The following MCC variants were observed in gnomAD, a reference collection of about 807,000 sequenced individuals.
MCC encodes colorectal mutant cancer protein.
Under a neutral mutation model 116.2 loss-of-function variants are expected in MCC, and 90 were observed. That is an observed-to-expected ratio of 0.77 (90% CI 0.65 to 0.92). MCC has a LOEUF of 0.92. Among genes scored for constraint, MCC ranks in the 40% least tolerant of loss-of-function variants. MCC has a pLI of 0.00. For missense variants in MCC, 1,516 were observed against 1,312.2 expected, an observed-to-expected ratio of 1.16 and a Z score of -2.40; for synonymous variants, 578 against 510.5, an observed-to-expected ratio of 1.13 and a Z score of -1.78.
intron 1 of MCC, among the ~76,000 whole-genome samples, chr5:113,464,134 A>G (rs1378465051): frequency 6.6e-6 from 1 of 152,138 alleles, no homozygotes; most frequent in African/African-American, 2.4e-5. Flanking sequence ...ACAATAGGGC[A>G]CCATGAAGTG....
chr5:113,384,210 C>T (rs759014731), intron 2 of MCC, among the ~76,000 whole-genome samples: 8 of 152,206 alleles, frequency 5.3e-5, no homozygotes, highest in Non-Finnish European at 1.0e-4. Flanking sequence ...TTCTTTCCAA[C>T]TGCTTATCTT....
intron 1 of MCC, among the ~76,000 whole-genome samples, chr5:113,455,296 T>C (rs539353377): frequency 6.6e-6 from 1 of 152,290 alleles, no homozygotes; most frequent in South Asian, 2.1e-4. Context: ...TGCTAGCCCA[T>C]ATTTTCTCAT....
chr5:113,077,125 C>T (rs1038639486), intron 11 of MCC, among the ~76,000 whole-genome samples: 2 of 152,162 alleles, frequency 1.3e-5, no homozygotes, highest in Admixed American at 6.5e-5. Flanking sequence ...AATATATATG[C>T]ACCCAATACA....
At chr5:113,252,303 G>A (rs1375566844) in intron 3 of MCC, among the ~76,000 whole-genome samples, 1 of 152,198 alleles carries the variant, frequency 6.6e-6, no homozygotes, top group Non-Finnish European at 1.5e-5. Context: ...GTGGGCGAGT[G>A]AGAGAAGCTT....
At chr5:113,361,232 A>G (rs1044836506) in intron 2 of MCC, among the ~76,000 whole-genome samples, 1 of 144,916 alleles carries the variant, frequency 6.9e-6, no homozygotes, top group African/African-American at 2.6e-5. Context: ...CATTCTTGCC[A>G]GGAAGTTATC....
At chr5:113,136,697 T>C (rs1422409474) in intron 5 of MCC, among the ~76,000 whole-genome samples, 1 of 152,218 alleles carries the variant, frequency 6.6e-6, no homozygotes, top group East Asian at 1.9e-4. Context: ...GTTGATTTTG[T>C]ATCCTGTAAC....
chr5:113,218,787 C>T (rs1242825613), intron 3 of MCC, among the ~76,000 whole-genome samples: 1 of 151,706 alleles, frequency 6.6e-6, no homozygotes, highest in East Asian at 1.9e-4. Flanking sequence ...GCAAGATAGA[C>T]TTGGGGAAAA....
intron 1 of MCC, among the ~76,000 whole-genome samples, chr5:113,453,803 C>G (rs567269495): frequency 6.6e-6 from 1 of 152,290 alleles, no homozygotes; most frequent in African/African-American, 2.4e-5. Flanking sequence ...AAAATGTACT[C>G]ATAGTAACTT....
chr5:113,219,851 T>C (rs888801542), intron 3 of MCC, among the ~76,000 whole-genome samples: 2 of 151,970 alleles, frequency 1.3e-5, no homozygotes, highest in African/African-American at 4.8e-5. Context: ...CACTAATGTT[T>C]TTCCTATGCC....
chr5:113,380,805 A>C (rs1282926752), intron 2 of MCC, among the ~76,000 whole-genome samples: 3 of 152,204 alleles, frequency 2.0e-5, no homozygotes, highest in African/African-American at 7.2e-5. Flanking sequence ...TTAAGTGCCT[A>C]GTAAAGGCTC....
At chr5:113,315,761 C>T (rs1462373158) in intron 3 of MCC, among the ~76,000 whole-genome samples, 1 of 150,302 alleles carries the variant, frequency 6.7e-6, no homozygotes, top group Non-Finnish European at 1.5e-5. Flanking sequence ...TCTGTAGTCC[C>T]AGCTACTGAA....
At chr5:113,108,114 G>A (rs542547374) in intron 6 of MCC, among the ~76,000 whole-genome samples, 9 of 152,150 alleles carry the variant, frequency 5.9e-5, no homozygotes, top group South Asian at 2.1e-4. Context: ...GGAGGCCGAG[G>A]TGGGTGGATC....
intron 1 of MCC, chr5:113,433,640 C>A: frequency 2.1e-6 from 3 of 1,415,508 alleles, no homozygotes; most frequent in Non-Finnish European, 2.8e-6. Context: ...AGAGGCTCAT[C>A]TGGGACTGCC....
chr5:113,137,358 C>T (rs1758901266), intron 5 of MCC, among the ~76,000 whole-genome samples: 3 of 152,236 alleles, frequency 2.0e-5, no homozygotes, highest in Admixed American at 6.5e-5. Flanking sequence ...GACACAGAGC[C>T]AAACCATATC....
At chr5:113,046,552 C>T (rs1392983773) in intron 16 of MCC, among the ~76,000 whole-genome samples, 1 of 151,810 alleles carries the variant, frequency 6.6e-6, no homozygotes, top group Non-Finnish European at 1.5e-5. Context: ...AAATAAATAC[C>T]AGGAACTAGG....
intron 5 of MCC, among the ~76,000 whole-genome samples, chr5:113,139,688 C>G (rs1408796497): frequency 1.3e-5 from 2 of 152,188 alleles, no homozygotes; most frequent in Admixed American, 6.5e-5. Flanking sequence ...TTGTGGAAGA[C>G]AGTGTGGTGA....
At position 113,027,285 on chromosome 5, in the gene MCC, C is replaced by T. The variant is rs114398986; in HGVS notation, c.*17G>A. ...AGTTTACTTCCCATGGGCAGAACTC[C>T]GGTGCGTGAGTGCTGATTAAAGCGA... is the stretch of plus-strand genomic sequence containing the variant. On this transcript the variant is annotated 3_prime_UTR_variant, in exon 19 of 19. Coordinates refer to ENST00000408903, the MANE Select transcript of MCC (RefSeq NM_001085377.2). The T allele has an allele frequency of 1.1e-3, 1,793 of 1,612,580 alleles. 16 individuals carry two copies. In the African/African-American group the frequency reaches 0.021, roughly 19 times the overall value.
rs557631321 is a variant in MCC, at chr5:113,341,387, G to C, written c.416-657C>G. The stretch of plus-strand genomic sequence containing the variant: ...TTTGTAGACCTCATTTCTATACTAT[G>C]TTGCCCAGGCTGGTCTTGAACTCCT... On this transcript the variant is annotated intron_variant, in intron 2 of 18. Coordinates refer to ENST00000408903, the MANE Select transcript of MCC (RefSeq NM_001085377.2). Among the ~76,000 whole-genome samples, 18 of 151,892 alleles carry C rather than the reference G, an allele frequency of 1.2e-4. No individual in the cohort carries two copies. In the South Asian group the frequency reaches 3.8e-3, roughly 32 times the overall value.
At chr5:113,472,630 T>C (rs1362237746) in intron 1 of MCC, among the ~76,000 whole-genome samples, 1 of 152,242 alleles carries the variant, frequency 6.6e-6, no homozygotes, top group Non-Finnish European at 1.5e-5. Context: ...ATTTAGGAAG[T>C]AATCTGTAAA....
Sources: allele counts gnomAD v4.1 joint callset (sites outside exome capture counted in the v4.1 genomes callset), GRCh38; gene constraint gnomAD v4.1.1; transcripts MANE v1.5; gene names NCBI Gene and HGNC (gene_info 2026-07-23, HGNC 2026-07-21).